KIAA1217: variants seen among roughly 807,000 people sequenced by gnomAD.
The protein encoded by KIAA1217 is KIAA1217.
KIAA1217 carries 88 observed loss-of-function variants against 163.9 expected under a neutral mutation model. The ratio of observed to expected loss-of-function variants is 0.54; its 90% CI spans 0.45 to 0.64. KIAA1217 has a LOEUF of 0.64. Among genes scored for constraint, KIAA1217 ranks in the 30% least tolerant of loss-of-function variants. KIAA1217 has a pLI of 0.00. For missense variants in KIAA1217, 2,372 were observed against 2,475.0 expected (o/e 0.96, Z 0.88); for synonymous variants, 903 against 923.1 (o/e 0.98, Z 0.39).
At chr10:24,031,510 G>A (rs560181437) in intron 2 of KIAA1217, among the ~76,000 whole-genome samples, 1 of 152,244 alleles carries the variant, frequency 6.6e-6, no homozygotes, top group African/African-American at 2.4e-5. Flanking sequence ...ATGTTGCCCA[G>A]GCTGATCTCA....
intron 2 of KIAA1217, among the ~76,000 whole-genome samples, chr10:24,188,632 C>T (rs2066555392): frequency 2.0e-5 from 3 of 152,158 alleles, no homozygotes; most frequent in African/African-American, 7.2e-5. Context: ...TGGAATCTCT[C>T]TTCTGTAGGG....
intron 2 of KIAA1217, among the ~76,000 whole-genome samples, chr10:24,259,124 A>G (rs2075470475): frequency 6.6e-6 from 1 of 152,050 alleles, no homozygotes; most frequent in African/African-American, 2.4e-5. Flanking sequence ...AGGTGTTTGC[A>G]GGGGGCTCTG....
intron 2 of KIAA1217, among the ~76,000 whole-genome samples, chr10:24,356,747 C>T (rs2049161724): frequency 6.6e-6 from 1 of 152,228 alleles, no homozygotes; most frequent in Admixed American, 6.5e-5. Flanking sequence ...TGGGATGACA[C>T]AGCAAGAAGG....
intron 1 of KIAA1217, among the ~76,000 whole-genome samples, chr10:23,780,402 TCTTTGAC>T (rs745670157): frequency 2.5e-4 from 38 of 152,342 alleles, no homozygotes; most frequent in South Asian, 6.2e-4. Context: ...AACTTTGTAC[TCTTTGAC>T]CCACATATCC....
At chr10:24,502,240 C>CTTTTTTTTTTTTTTT (rs772404852) in intron 9 of KIAA1217, among the ~76,000 whole-genome samples, 11 of 80,632 alleles carry the variant, frequency 1.4e-4, no homozygotes, top group Non-Finnish European at 1.7e-4. Context: ...GTCAGCCAAG[C>CTTTTTTTTTTTTTTT]TTTTTTTTTT....
At chr10:24,470,166 A>G (rs973870371) in intron 5 of KIAA1217, among the ~76,000 whole-genome samples, 4 of 152,126 alleles carry the variant, frequency 2.6e-5, no homozygotes, top group African/African-American at 7.2e-5. Flanking sequence ...TGACCTGTGA[A>G]GCCCTGTGCT....
intron 1 of KIAA1217, among the ~76,000 whole-genome samples, chr10:23,955,576 C>T (rs1242519622): frequency 6.6e-6 from 1 of 152,156 alleles, no homozygotes; most frequent in East Asian, 1.9e-4. Flanking sequence ...TGGGACTGTG[C>T]TGTCTCCGTT....
At chr10:24,205,840 C>A (rs539386737), upstream of KIAA1217, among the ~76,000 whole-genome samples, 6 of 152,104 alleles carry the variant, frequency 3.9e-5, no homozygotes, top group South Asian at 1.2e-3. Context: ...CTTTCCACAA[C>A]CCTATAATTG....
chr10:24,303,341 T>C (rs980995771), intron 2 of KIAA1217, among the ~76,000 whole-genome samples: 9 of 152,052 alleles, frequency 5.9e-5, no homozygotes, highest in East Asian at 1.9e-4. Flanking sequence ...TAAAGACTTA[T>C]ATACTTAGTT....
chr10:24,312,176 C>T lies in KIAA1217; in HGVS notation c.355-68693C>T, dbSNP rs77609254. Among the ~76,000 whole-genome samples the T allele has an allele frequency of 2.4e-3, 372 of 152,154 alleles. 4 individuals are homozygous for T. Among genetic ancestry groups the T allele is most frequent in the African/African-American group, 8.4e-3 (347 of 41,502 alleles). ...TGAGCCTTTCAGCACAAGGGCAGGA[C>T]GGAGAGGAGCCCAGCTAACGAGGGG... is the stretch of plus-strand genomic sequence containing the variant. On this transcript the variant is annotated intron_variant, in intron 2 of 20. Transcript: ENST00000376454.
chr10:24,253,036 C>T (rs1202010977), intron 2 of KIAA1217, among the ~76,000 whole-genome samples: 4 of 151,638 alleles, frequency 2.6e-5, no homozygotes, highest in Non-Finnish European at 5.9e-5. Context: ...TGAAAAGGAG[C>T]CAGTCTTGCA....
intron 17 of KIAA1217, among the ~76,000 whole-genome samples, chr10:24,538,535 A>C (rs2074379740): frequency 8.3e-6 from 1 of 120,964 alleles, no homozygotes; most frequent in African/African-American, 3.1e-5. Flanking sequence ...GGAGGGAGAG[A>C]GGGTAGGAGG....
chr10:24,472,715 C>T (rs748705767), intron 5 of KIAA1217, among the ~76,000 whole-genome samples: 11 of 152,114 alleles, frequency 7.2e-5, no homozygotes, highest in South Asian at 2.1e-4. Context: ...TGGCTTAAAA[C>T]GTCATGATTT....
intron 1 of KIAA1217, among the ~76,000 whole-genome samples, chr10:23,730,411 A>T (rs1173638072): frequency 6.6e-6 from 1 of 152,174 alleles, no homozygotes; most frequent in Non-Finnish European, 1.5e-5. Context: ...TGCCTTGATT[A>T]CTGTAACATT....
At chr10:24,160,242 A>G (rs2065060240) in intron 2 of KIAA1217, among the ~76,000 whole-genome samples, 1 of 152,150 alleles carries the variant, frequency 6.6e-6, no homozygotes, top group Middle Eastern at 3.2e-3. Flanking sequence ...AAAGCATTTA[A>G]TAATATCTTG....
intron 1 of KIAA1217, among the ~76,000 whole-genome samples, chr10:23,706,842 G>A (rs1836917774): frequency 6.6e-6 from 1 of 152,052 alleles, no homozygotes; most frequent in African/African-American, 2.4e-5. Context: ...GGAAGTCTAG[G>A]GCTGATAGTG....
At chr10:24,075,738 G>C (rs570705058) in intron 2 of KIAA1217, among the ~76,000 whole-genome samples, 1 of 151,746 alleles carries the variant, frequency 6.6e-6, no homozygotes, top group Non-Finnish European at 1.5e-5. Flanking sequence ...CAAGTAGCTG[G>C]GATTACAGGC....
chr10:24,017,040 G>GTTTTTTTTTTTTTTTTTTTTTTTTT (rs35042335), intron 2 of KIAA1217, among the ~76,000 whole-genome samples: 1 of 130,224 alleles, frequency 7.7e-6, no homozygotes, highest in Non-Finnish European at 1.6e-5. Context: ...TAGTTTTTTT[G>GTTTTTTTTTTTTTTTTTTTTTTTTT]TTTTTTTTTT....
chr10:23,729,908 T>A (rs1290391510), intron 1 of KIAA1217, among the ~76,000 whole-genome samples: 1 of 92,042 alleles, frequency 1.1e-5, no homozygotes, highest in Non-Finnish European at 2.3e-5. Flanking sequence ...TTCTATGAAA[T>A]TTTTTTTTTT....
Sources: gnomAD v4.1 joint callset for allele counts (sites outside exome capture counted in the v4.1 genomes callset) on GRCh38, gnomAD v4.1.1 for gene constraint, MANE v1.5 for transcripts, NCBI Gene and HGNC (gene_info 2026-07-23, HGNC 2026-07-21) for gene names.